The following SLC6A19 variants were observed in gnomAD, a reference collection of about 807,000 sequenced individuals.
The protein encoded by SLC6A19 is solute carrier family 6 member 19.
In SLC6A19, 67 loss-of-function variants were observed where a neutral mutation model predicts 68.3. The observed-to-expected ratio is 0.98, with a 90% CI of 0.81 to 1.20. The LOEUF (loss-of-function observed/expected upper bound fraction) is 1.20, where lower values mean the gene tolerates loss of function less well. SLC6A19 is among the 50% of genes most tolerant of loss of function. The pLI, the probability that SLC6A19 is intolerant of heterozygous loss-of-function variation, is 0.00. For missense variants in SLC6A19, 813 were observed against 851.6 expected (o/e 0.95, Z 0.56); for synonymous variants, 392 against 374.9 (o/e 1.05, Z -0.53).
chr5:1,219,877 T>C (rs1746321704), intron 10 of SLC6A19, among the ~76,000 whole-genome samples: 1 of 152,128 alleles, frequency 6.6e-6, no homozygotes, highest in Non-Finnish European at 1.5e-5. Flanking sequence ...AGCTTTGTGT[T>C]GCTGGGAGCC....
intron 1 of SLC6A19, among the ~76,000 whole-genome samples, chr5:1,202,745 C>G (rs1395752375): frequency 6.6e-6 from 1 of 152,202 alleles, no homozygotes; most frequent in Admixed American, 6.5e-5. Flanking sequence ...TCAGGGGGCC[C>G]TGTTCCTTCT....
chr5:1,202,334 C>T (rs562476210), intron 1 of SLC6A19, among the ~76,000 whole-genome samples: 17 of 152,308 alleles, frequency 1.1e-4, no homozygotes, highest in South Asian at 6.2e-4. Context: ...CCTGTGGACT[C>T]GGGCCTGGCT....
chr5:1,201,771 T>C lies in SLC6A19; in HGVS notation c.121T>C (p.Tyr41His). The change falls in exon 1 of 12, where the codon TAC (tyrosine) becomes CAC (histidine). Residue 41 changes from tyrosine to histidine, a missense_variant. Tyr to His is a moderately conservative substitution (Grantham distance 83). Transcript: ENST00000304460. Reference sequence around the variant, plus strand: ...GCCGAAGTGGGACAACAAGGCGCAGTACATGCTCACCTGCCTGGGCTTCTG... The same window carrying C: ...GCCGAAGTGGGACAACAAGGCGCAGCACATGCTCACCTGCCTGGGCTTCTG... ...SRPKWDNKAQ[Y>H]MLTCLGFCVG... 1 of 1,612,794 alleles carries C rather than the reference T, an allele frequency of 6.2e-7. No individual in the cohort carries two copies. The highest frequency in any genetic ancestry group is 8.5e-7 in the Non-Finnish European group (1 of 1,179,898).
chr5:1,218,835 C>T, intron 8 of SLC6A19, 68 bp from the exon 9 acceptor site: 1 of 1,556,520 alleles, frequency 6.4e-7, no homozygotes, highest in Non-Finnish European at 8.8e-7. Flanking sequence ...ACGCACGAGA[C>T]CTCGGGCGGG....
Position 1,214,421 on chromosome 5 carries a change from G to A in SLC6A19, c.887+356G>A, listed in dbSNP as rs1414758923. On this transcript the variant is annotated intron_variant, in intron 6 of 11. Coordinates refer to ENST00000304460, the MANE Select transcript of SLC6A19 (RefSeq NM_001003841.3). The surrounding 1 kb of genome is among the most constrained non-coding windows in gnomAD (Gnocchi z 7.4). ...CATCCCAGGCCCCCAGACATGTGGCGCCCCCGACGCCCTCCACGTCCCCGA... is the reference window on the plus strand; with the variant it reads ...CATCCCAGGCCCCCAGACATGTGGCACCCCCGACGCCCTCCACGTCCCCGA... Among the ~76,000 whole-genome samples, 1 of 152,010 alleles carries A rather than the reference G, an allele frequency of 6.6e-6. No homozygotes were observed. The highest frequency in any genetic ancestry group is 2.4e-5 in the African/African-American group (1 of 41,386).
chr5:1,211,469 A>G (rs1746026841), intron 3 of SLC6A19, among the ~76,000 whole-genome samples: 1 of 152,260 alleles, frequency 6.6e-6, no homozygotes, highest in Non-Finnish European at 1.5e-5. Context: ...AAGAGGGAGC[A>G]GCGTGAGGCC....
intron 5 of SLC6A19, among the ~76,000 whole-genome samples, 163 bp from the exon 6 acceptor site, chr5:1,213,790 C>A (rs371675764): frequency 6.6e-6 from 1 of 152,044 alleles, no homozygotes; most frequent in African/African-American, 2.4e-5. Flanking sequence ...TGTGAGCCGA[C>A]GGAGCCCCCA....
chr5:1,219,618 G>C lies in SLC6A19; in HGVS notation c.1492G>C (p.Ala498Pro). ...YAGSIPLLII[A>P]FCEMFSVVYV... Reference sequence around the variant, plus strand: ...CGGCTCCATTCCCCTGCTCATCATCGCCTTCTGCGAGATGTTCTCTGTGGT... The same window carrying C: ...CGGCTCCATTCCCCTGCTCATCATCCCCTTCTGCGAGATGTTCTCTGTGGT... The change falls in exon 10 of 12, where the codon GCC (alanine) becomes CCC (proline). Residue 498 changes from alanine to proline, a missense_variant. By Grantham distance (27) the Ala-to-Pro change is conservative. Coordinates refer to ENST00000304460, the MANE Select transcript of SLC6A19 (RefSeq NM_001003841.3). The C allele has an allele frequency of 6.2e-7, 1 of 1,609,752 alleles. No homozygotes were observed. Among genetic ancestry groups the C allele is most frequent in the Non-Finnish European group, 8.5e-7 (1 of 1,180,016 alleles).
At position 1,212,406 on chromosome 5, in the gene SLC6A19, G is replaced by C; in HGVS notation, c.585G>C (p.Trp195Cys). 2 of 1,612,996 alleles carry C rather than the reference G, an allele frequency of 1.2e-6. No individual in the cohort carries two copies. The highest frequency in any genetic ancestry group is 2.7e-5 in the African/African-American group (2 of 75,012). The change falls in exon 4 of 12, where the codon TGG becomes TGC. Residue 195 changes from tryptophan to cysteine, a missense_variant. Trp to Cys is a radical substitution (Grantham distance 215). Transcript: ENST00000304460. This position sits in a 1 kb window ranked among gnomAD's most constrained non-coding sequence, Gnocchi z 5.1. ...TCAGCGACTCGGGCTCCATCCAGTGGTGGATGCTGCTGTGCCTGGCCTGCG... is the reference window on the plus strand; with the variant it reads ...TCAGCGACTCGGGCTCCATCCAGTGCTGGATGCTGCTGTGCCTGGCCTGCG... ...TSISDSGSIQ[W>C]WMLLCLACAW...
chr5:1,219,827 G>A (rs1251563438), intron 10 of SLC6A19, among the ~76,000 whole-genome samples, 163 bp downstream of exon 10: 1 of 152,182 alleles, frequency 6.6e-6, no homozygotes, highest in Admixed American at 6.5e-5. Flanking sequence ...CCTGGCGGGA[G>A]CAGAGGGCAT....
At position 1,216,609 on chromosome 5, in the gene SLC6A19, A is replaced by G; in HGVS notation, c.939A>G (p.Thr313=). 2 of 1,614,132 alleles carry G rather than the reference A, an allele frequency of 1.2e-6. No homozygotes were observed. The highest frequency in any genetic ancestry group is 1.7e-6 in the Non-Finnish European group (2 of 1,180,044). Residue 313 remains threonine (T), a synonymous_variant, in exon 7 of 12, where the codon ACA becomes ACG. Transcript: ENST00000304460. ...SVIVSIINGF[T]SVYVAIVVYS... is the part of the protein sequence containing the mutation. ...TTGTGTCCATCATCAACGGCTTCAC[A>G]TCGGTGTATGTGGCCATCGTGGTCT... is the stretch of plus-strand genomic sequence containing the variant.
At chr5:1,208,689 G>A in intron 1 of SLC6A19, 57 bp from the exon 2 acceptor site, 1 of 1,611,912 alleles carries the variant, frequency 6.2e-7, no homozygotes, top group Non-Finnish European at 8.5e-7. Flanking sequence ...TCCCGAGGGA[G>A]GCCTTCCTGC....
At position 1,210,351 on chromosome 5, in the gene SLC6A19, G is replaced by A. The variant is rs1432325656; in HGVS notation, c.344-93G>A. 3.2e-6 allele frequency: 5 copies of A among 1,566,722 alleles called. No individual in the cohort carries two copies. In the Admixed American group the frequency reaches 5.4e-5, roughly 17 times the overall value. ...GAGTAGCCCATCCCAGCCACACCCT[G>A]TGCCAGCCCTGGGACCTCCTGCTCA... is the stretch of plus-strand genomic sequence containing the variant. On this transcript the variant is annotated intron_variant, in intron 2 of 11. Transcript: ENST00000304460.
At chr5:1,220,904 T>A (rs1189028941) in intron 10 of SLC6A19, among the ~76,000 whole-genome samples, 1 of 152,158 alleles carries the variant, frequency 6.6e-6, no homozygotes, top group Non-Finnish European at 1.5e-5. Context: ...GCGGGGCACC[T>A]CTGACCATGG....
At chr5:1,220,539 G>C (rs1746345561) in intron 10 of SLC6A19, among the ~76,000 whole-genome samples, 1 of 152,164 alleles carries the variant, frequency 6.6e-6, no homozygotes, top group African/African-American at 2.4e-5. Context: ...CGCAAGGGCA[G>C]TAAGCCCTTG....
intron 1 of SLC6A19, among the ~76,000 whole-genome samples, chr5:1,205,854 A>C (rs557220501): frequency 1.3e-4 from 19 of 151,466 alleles, no homozygotes; most frequent in Non-Finnish European, 2.8e-4. Context: ...GTGAGCCTGC[A>C]GCCCCCACAC....
Position 1,208,749 on chromosome 5 carries a change from C to G in SLC6A19, c.206C>G (p.Ala69Gly), listed in dbSNP as rs775521963. 6 of 1,613,342 alleles carry G rather than the reference C, an allele frequency of 3.7e-6. No individual in the cohort carries two copies. The highest frequency in any genetic ancestry group is 4.5e-5 in the East Asian group (2 of 44,886). ...TGGTGGACTCCTCCCATTGCAGGAGCCTTCATGATCCCGTTCCTCATCCTG... is the reference window on the plus strand; with the variant it reads ...TGGTGGACTCCTCCCATTGCAGGAGGCTTCATGATCCCGTTCCTCATCCTG... ...PYLCQSHGGG[A>G]FMIPFLILLV... Residue 69 changes from alanine (A) to glycine (G), a missense_variant, in exon 2 of 12, where the codon GCC becomes GGC. Transcript: ENST00000304460.
At position 1,223,990 on chromosome 5, in the gene SLC6A19, G is replaced by A. The variant is rs2126519415; in HGVS notation, c.*2086G>A. 1 of 152,384 alleles carries A rather than the reference G, an allele frequency of 6.6e-6. No individual in the cohort carries two copies. Among genetic ancestry groups the A allele is most frequent in the African/African-American group, 2.4e-5 (1 of 41,572 alleles). 9.4% of individuals were successfully genotyped at this position (152,384 alleles called of 1,614,324 possible). A position where few individuals can be genotyped will look rare whatever the true frequency, so the allele number is the denominator to read the frequency against. On this transcript the variant is annotated 3_prime_UTR_variant, in exon 12 of 12. Coordinates refer to ENST00000304460, the MANE Select transcript of SLC6A19 (RefSeq NM_001003841.3). ...GGACATATCACAGCCTCTGCCCCCG[G>A]CTGTGATGCCACCGAGGGGCTCGCC...
At position 1,208,900 on chromosome 5, in the gene SLC6A19, A is replaced by G. The variant is rs915242991; in HGVS notation, c.343+14A>G. The stretch of plus-strand genomic sequence containing the variant: ...TGAAGGGCCTAGGTGAGTGCCTCGG[A>G]GCAGTTCCACCCGGGCCCAGGGGTC... On this transcript the variant is annotated intron_variant, in intron 2 of 11. Coordinates refer to ENST00000304460, the MANE Select transcript of SLC6A19 (RefSeq NM_001003841.3). 1.9e-6 allele frequency: 3 copies of G among 1,609,456 alleles called. No individual in the cohort carries two copies. Among genetic ancestry groups the G allele is most frequent in the Non-Finnish European group, 2.5e-6 (3 of 1,179,062 alleles).
Sources: allele counts gnomAD v4.1 joint callset (sites outside exome capture counted in the v4.1 genomes callset), GRCh38; gene constraint gnomAD v4.1.1; non-coding constraint Gnocchi (gnomAD v3.1); transcripts MANE v1.5; gene names NCBI Gene and HGNC (gene_info 2026-07-23, HGNC 2026-07-21).